The following HDAC9 variants were observed in gnomAD, a reference collection of about 807,000 sequenced individuals.
HDAC9 encodes histone deacetylase 9.
Under a neutral mutation model 139.4 loss-of-function variants are expected in HDAC9, and 41 were observed. The ratio of observed to expected loss-of-function variants is 0.29; its 90% CI spans 0.23 to 0.38. HDAC9 has a LOEUF of 0.38. Among genes scored for constraint, HDAC9 ranks in the 10% least tolerant of loss-of-function variants. The pLI is 1.00. For synonymous variants in HDAC9, 517 were observed against 476.2 expected, an observed-to-expected ratio of 1.09 and a Z score of -1.12; for missense variants, 1,147 against 1,297.0, an observed-to-expected ratio of 0.88 and a Z score of 1.78.
intron 12 of HDAC9, among the ~76,000 whole-genome samples, chr7:18,708,448 G>A (rs893051866): frequency 1.3e-5 from 2 of 152,196 alleles, no homozygotes; most frequent in African/African-American, 2.4e-5. Flanking sequence ...AGCAAATAGT[G>A]AGACTGATCA....
At chr7:18,419,416 G>A (rs1425889797) in intron 1 of HDAC9, among the ~76,000 whole-genome samples, 5 of 152,180 alleles carry the variant, frequency 3.3e-5, no homozygotes, top group Admixed American at 6.5e-5. Context: ...CACAGCAAAT[G>A]TAAAGCCATA....
Position 18,769,724 on chromosome 7 carries a change from T to C in HDAC9, c.2214+2569T>C, listed in dbSNP as rs569835918. The stretch of plus-strand genomic sequence containing the variant: ...GCCCTAGGAGAAACCCTGGATCCTC[T>C]TGATTTAAGCCTGTCTAAATTTTCA... On this transcript the variant is annotated intron_variant, in intron 16 of 25. Coordinates refer to ENST00000686413, the MANE Select transcript of HDAC9 (RefSeq NM_178425.4). Among the ~76,000 whole-genome samples the C allele has an allele frequency of 7.2e-5, 11 of 152,244 alleles. No individual in the cohort carries two copies. The East Asian group carries it at 2.1e-3, about 30-fold the overall frequency.
chr7:18,545,409 AAGTTGG>A (rs1814449594), intron 2 of HDAC9, among the ~76,000 whole-genome samples: 1 of 152,156 alleles, frequency 6.6e-6, no homozygotes, highest in Non-Finnish European at 1.5e-5. Flanking sequence ...AAGGTTTGTG[AAGTTGG>A]GTAGTGACCA....
chr7:18,689,510 T>C (rs1008040669), intron 12 of HDAC9, among the ~76,000 whole-genome samples: 5 of 152,146 alleles, frequency 3.3e-5, no homozygotes, highest in African/African-American at 1.2e-4. Flanking sequence ...TTTAGGAATA[T>C]ATTAAAAGTT....
chr7:18,272,937 A>G (rs915133831), intron 2 of HDAC9, among the ~76,000 whole-genome samples: 23 of 149,644 alleles, frequency 1.5e-4, no homozygotes, highest in African/African-American at 5.2e-4. Flanking sequence ...TACTACTACT[A>G]CTACTACTAC....
At chr7:18,571,318 T>G (rs1414714271) in intron 2 of HDAC9, among the ~76,000 whole-genome samples, 1 of 152,252 alleles carries the variant, frequency 6.6e-6, no homozygotes, top group Non-Finnish European at 1.5e-5. Context: ...GATTTGAATT[T>G]GGCAAAATAA....
chr7:18,902,712 A>C (rs528139454), intron 22 of HDAC9, among the ~76,000 whole-genome samples: 1 of 152,322 alleles, frequency 6.6e-6, no homozygotes, highest in East Asian at 1.9e-4. Flanking sequence ...CCTAAAATAT[A>C]ATTATTTAGC....
intron 3 of HDAC9, among the ~76,000 whole-genome samples, chr7:18,587,681 C>A (rs1829838576): frequency 6.6e-6 from 1 of 152,188 alleles, no homozygotes; most frequent in African/African-American, 2.4e-5. Context: ...GGCTACATAG[C>A]CAATAAATTG....
chr7:18,334,374 CA>C (rs1249141768), intron 1 of HDAC9, among the ~76,000 whole-genome samples: 3 of 151,160 alleles, frequency 2.0e-5, no homozygotes, highest in Non-Finnish European at 4.4e-5. Flanking sequence ...AGAACTAGAT[CA>C]AAAGAAAAAA....
intron 1 of HDAC9, among the ~76,000 whole-genome samples, chr7:18,485,081 G>T (rs1795875869): frequency 6.6e-6 from 1 of 152,078 alleles, no homozygotes; most frequent in African/African-American, 2.4e-5. Context: ...TTCTTAAATA[G>T]ACTGTCCCTG....
chr7:18,545,271 C>CT (rs568910538), intron 2 of HDAC9, among the ~76,000 whole-genome samples: 180 of 142,568 alleles, frequency 1.3e-3, no homozygotes, highest in Middle Eastern at 7.6e-3. Context: ...CATTAGCTTT[C>CT]TTTTTTTTTT....
chr7:18,828,044 A>G (rs912264578), intron 17 of HDAC9, among the ~76,000 whole-genome samples: 1 of 152,146 alleles, frequency 6.6e-6, no homozygotes, highest in Admixed American at 6.5e-5. Flanking sequence ...TTTGTTTATT[A>G]GTGTATTATT....
intron 15 of HDAC9, among the ~76,000 whole-genome samples, chr7:18,763,579 C>T (rs924952006): frequency 6.6e-5 from 10 of 152,046 alleles, no homozygotes; most frequent in African/African-American, 2.4e-4. Flanking sequence ...AGAAACCAGT[C>T]TCTGTACATG....
rs62449106 is a variant in HDAC9, at chr7:18,185,340, G to A, written c.25+22991G>A. Among the ~76,000 whole-genome samples the A allele has an allele frequency of 4.0e-3, 603 of 152,278 alleles. 2 individuals are homozygous for A. The highest frequency in any genetic ancestry group is 0.01 in the Admixed American group (153 of 15,294). On this transcript the variant is annotated intron_variant, in intron 2 of 12. Transcript: ENST00000417496. ...AATTTGACTTTTATGAGGCTTAGGCGTGAGTATTCGTTAAACCTCCAAGGT... is the reference window on the plus strand; with the variant it reads ...AATTTGACTTTTATGAGGCTTAGGCATGAGTATTCGTTAAACCTCCAAGGT...
intron 1 of HDAC9, among the ~76,000 whole-genome samples, chr7:18,296,424 TTG>T (rs60293429): frequency 0.4 from 59,554 of 150,382 alleles, 11,707 homozygotes; most frequent in East Asian, 0.45. Context: ...TAGCTCATAT[TTG>T]TGTGTGTGTG....
intron 16 of HDAC9, among the ~76,000 whole-genome samples, chr7:18,779,614 CACTTATCTGAG>C (rs1182975074): frequency 6.6e-6 from 1 of 152,022 alleles, no homozygotes; most frequent in Non-Finnish European, 1.5e-5. Context: ...ATTATTATTT[CACTTATCTGAG>C]ACTTGGTTTC....
At chr7:18,716,641 T>G (rs577400966) in intron 12 of HDAC9, among the ~76,000 whole-genome samples, 17 of 152,198 alleles carry the variant, frequency 1.1e-4, no homozygotes, top group Non-Finnish European at 2.1e-4. Context: ...ATTTAAATAT[T>G]CTGTATATAG....
At chr7:18,259,247 G>C (rs1227040928) in intron 2 of HDAC9, among the ~76,000 whole-genome samples, 1 of 152,152 alleles carries the variant, frequency 6.6e-6, no homozygotes, top group Non-Finnish European at 1.5e-5. Flanking sequence ...GGGATTACAG[G>C]TGTGAGTCAC....
At chr7:18,431,805 C>T (rs1040120614) in intron 1 of HDAC9, among the ~76,000 whole-genome samples, 3 of 152,176 alleles carry the variant, frequency 2.0e-5, no homozygotes, top group Non-Finnish European at 4.4e-5. Context: ...CAGACTCAAA[C>T]ATTAATTTTT....
Sources: allele counts gnomAD v4.1 joint callset (sites outside exome capture counted in the v4.1 genomes callset), GRCh38; gene constraint gnomAD v4.1.1; transcripts MANE v1.5; gene names NCBI Gene and HGNC (gene_info 2026-07-23, HGNC 2026-07-21).